The following ROBO2 variants were observed in gnomAD, a reference collection of about 807,000 sequenced individuals.
ROBO2 encodes the protein roundabout homolog 2.
ROBO2 carries 53 observed loss-of-function variants against 160.8 expected under a neutral mutation model. The ratio of observed to expected loss-of-function variants is 0.33; its 90% CI spans 0.26 to 0.41. The LOEUF (loss-of-function observed/expected upper bound fraction) is 0.41. Ranked by LOEUF, ROBO2 falls within the 10% of genes least tolerant of loss-of-function variation. The pLI is 1.00. For missense variants in ROBO2, 1,577 were observed against 1,722.4 expected, an observed-to-expected ratio of 0.92 and a Z score of 1.49; for synonymous variants, 664 against 611.7, an observed-to-expected ratio of 1.09 and a Z score of -1.26.
At chr3:76,031,415 G>A (rs1371295992) in intron 2 of ROBO2, among the ~76,000 whole-genome samples, 1 of 152,154 alleles carries the variant, frequency 6.6e-6, no homozygotes, top group African/African-American at 2.4e-5. Context: ...TAGGAGTGGT[G>A]AGAGAAGGCA....
intron 2 of ROBO2, among the ~76,000 whole-genome samples, chr3:76,856,122 T>C (rs976094685): frequency 6.6e-6 from 1 of 152,178 alleles, no homozygotes; most frequent in African/African-American, 2.4e-5. Flanking sequence ...CAGTATATCG[T>C]GGTTATATGA....
At chr3:77,640,828 A>G (rs2095341192) in intron 24 of ROBO2, among the ~76,000 whole-genome samples, 1 of 152,316 alleles carries the variant, frequency 6.6e-6, no homozygotes, top group East Asian at 1.9e-4. Context: ...GTGTGCATGT[A>G]ATGTCCTTTC....
chr3:76,062,884 G>A (rs1161859773), intron 2 of ROBO2, among the ~76,000 whole-genome samples: 3 of 152,104 alleles, frequency 2.0e-5, no homozygotes, highest in African/African-American at 7.2e-5. Flanking sequence ...TTTCAAAATT[G>A]TTAAAATCAT....
At chr3:76,982,267 G>A (rs2060136604) in intron 2 of ROBO2, among the ~76,000 whole-genome samples, 1 of 152,074 alleles carries the variant, frequency 6.6e-6, no homozygotes, top group South Asian at 2.1e-4. Flanking sequence ...ATGAGTTAAG[G>A]TTCCAATTTT....
At chr3:77,569,813 G>A (rs2093592407) in intron 13 of ROBO2, among the ~76,000 whole-genome samples, 1 of 151,802 alleles carries the variant, frequency 6.6e-6, no homozygotes, top group South Asian at 2.1e-4. Context: ...ATTGGTTTAT[G>A]AGTACAAAAT....
chr3:77,586,806 A>G (rs2094061999), intron 16 of ROBO2, among the ~76,000 whole-genome samples: 1 of 149,738 alleles, frequency 6.7e-6, no homozygotes, highest in Admixed American at 6.7e-5. Context: ...CTCATTTTAA[A>G]TACAGCTTTG....
chr3:76,233,070 A>G (rs1383484708), intron 2 of ROBO2, among the ~76,000 whole-genome samples: 1 of 151,980 alleles, frequency 6.6e-6, no homozygotes, highest in Non-Finnish European at 1.5e-5. Context: ...CTTCCTATTG[A>G]ATTCATTCAT....
chr3:76,263,852 A>T (rs1224093324), intron 2 of ROBO2, among the ~76,000 whole-genome samples: 1 of 152,190 alleles, frequency 6.6e-6, no homozygotes, highest in Non-Finnish European at 1.5e-5. Context: ...GGATAAAGAA[A>T]ATGTGGCACA....
At chr3:77,358,612 G>A (rs1249920044) in intron 2 of ROBO2, among the ~76,000 whole-genome samples, 1 of 152,128 alleles carries the variant, frequency 6.6e-6, no homozygotes, top group East Asian at 1.9e-4. Flanking sequence ...TATGTTAAAT[G>A]TATAAATAAC....
At chr3:76,497,443 G>C (rs759760850) in intron 2 of ROBO2, among the ~76,000 whole-genome samples, 3 of 152,066 alleles carry the variant, frequency 2.0e-5, no homozygotes, top group Non-Finnish European at 4.4e-5. Flanking sequence ...CCTTCTTCCC[G>C]CCATGGCCTC....
chr3:77,054,656 AT>A (rs891555830), intron 1 of ROBO2, among the ~76,000 whole-genome samples: 4 of 151,884 alleles, frequency 2.6e-5, no homozygotes, highest in African/African-American at 4.8e-5. Context: ...AGAAATCGCC[AT>A]TTTTTTTCTC....
intron 2 of ROBO2, among the ~76,000 whole-genome samples, chr3:77,446,961 G>C (rs2080593387): frequency 6.6e-6 from 1 of 152,050 alleles, no homozygotes; most frequent in South Asian, 2.1e-4. Flanking sequence ...CACTGTGAAA[G>C]AATGCAGTAA....
chr3:76,652,267 C>A (rs2091288703), intron 2 of ROBO2, among the ~76,000 whole-genome samples: 1 of 152,094 alleles, frequency 6.6e-6, no homozygotes, highest in South Asian at 2.1e-4. Context: ...ATAGTATGTA[C>A]CATTATCTGA....
At chr3:77,129,380 G>T (rs536617229) in intron 2 of ROBO2, among the ~76,000 whole-genome samples, 2 of 152,226 alleles carry the variant, frequency 1.3e-5, no homozygotes, top group South Asian at 4.1e-4. Flanking sequence ...AATCAAAATA[G>T]GAACTATTAC....
At chr3:77,166,928 C>T (rs1166043032) in intron 2 of ROBO2, among the ~76,000 whole-genome samples, 1 of 152,154 alleles carries the variant, frequency 6.6e-6, no homozygotes, top group African/African-American at 2.4e-5. Context: ...ATTTATGTCT[C>T]ATAGAAAAAG....
intron 2 of ROBO2, among the ~76,000 whole-genome samples, chr3:76,198,336 A>G (rs976738856): frequency 2.0e-5 from 3 of 152,294 alleles, no homozygotes; most frequent in Admixed American, 1.3e-4. Flanking sequence ...GGCACAATTG[A>G]TCAGCATTAA....
At chr3:76,539,389 G>A (rs1385333569) in intron 2 of ROBO2, among the ~76,000 whole-genome samples, 1 of 151,150 alleles carries the variant, frequency 6.6e-6, no homozygotes, top group Non-Finnish European at 1.5e-5. Flanking sequence ...ATGCTAGCAC[G>A]CTGTCAATAA....
chr3:76,290,946 A>T (rs1212183470), intron 2 of ROBO2, among the ~76,000 whole-genome samples: 1 of 151,988 alleles, frequency 6.6e-6, no homozygotes. Context: ...TTTTGCATCT[A>T]TGTTTGCATT....
chr3:75,935,035 A>G (rs1486853480), intron 1 of ROBO2, among the ~76,000 whole-genome samples: 3 of 152,198 alleles, frequency 2.0e-5, no homozygotes, highest in Non-Finnish European at 4.4e-5. Context: ...AGAAATTAAA[A>G]GAATGTATAT....
Sources: gnomAD v4.1 joint callset for allele counts (sites outside exome capture counted in the v4.1 genomes callset) on GRCh38, gnomAD v4.1.1 for gene constraint, MANE v1.5 for transcripts, NCBI Gene and HGNC (gene_info 2026-07-23, HGNC 2026-07-21) for gene names.